The following SLC44A4 variants were observed in gnomAD, a reference collection of about 807,000 sequenced individuals.
SLC44A4 encodes the protein choline transporter-like protein 4.
In SLC44A4, 74 loss-of-function variants were observed where a neutral mutation model predicts 97.0. The ratio of observed to expected loss-of-function variants is 0.76; its 90% CI spans 0.63 to 0.93. The LOEUF is 0.93. Ranked by LOEUF, SLC44A4 falls within the 40% of genes least tolerant of loss-of-function variation. The probability of loss-of-function intolerance (pLI) is 0.00; values close to 1 mark genes in which losing one functional copy is unlikely to be tolerated. For synonymous variants in SLC44A4, 325 were observed against 363.8 expected, an observed-to-expected ratio of 0.89 and a Z score of 1.21; for missense variants, 799 against 902.9, an observed-to-expected ratio of 0.88 and a Z score of 1.48.
At chr6:31,864,524 C>T in intron 20 of SLC44A4, 128 bp downstream of exon 20, 1 of 850,152 alleles carries the variant, frequency 1.2e-6, no homozygotes, top group Non-Finnish European at 1.9e-6. Flanking sequence ...TCACAAGAAG[C>T]TCCCTCTGGT....
intron 7 of SLC44A4, among the ~76,000 whole-genome samples, chr6:31,872,499 G>A (rs1208942555): frequency 2.0e-5 from 3 of 152,062 alleles, no homozygotes; most frequent in Admixed American, 6.6e-5. Context: ...GCCCCCCAAA[G>A]TGTTGGGATT....
intron 13 of SLC44A4, 152 bp downstream of exon 13, chr6:31,869,003 G>T: frequency 5.0e-6 from 3 of 597,344 alleles, no homozygotes; most frequent in Middle Eastern, 2.7e-4. Flanking sequence ...CTGGGAACTG[G>T]TTTCTTCTAG....
intron 13 of SLC44A4, 66 bp downstream of exon 13, chr6:31,869,089 G>T: frequency 7.6e-7 from 1 of 1,318,588 alleles, no homozygotes; most frequent in Non-Finnish European, 1.1e-6. Flanking sequence ...TGCACAATGA[G>T]GAATGTGGCC....
At position 31,874,960 on chromosome 6, in the gene SLC44A4, G is replaced by A. The variant is rs746487711; in HGVS notation, c.311C>T (p.Ala104Val). 9 of 1,613,718 alleles carry A rather than the reference G, an allele frequency of 5.6e-6. 1 individual carries two copies. The South Asian group carries it at 7.7e-5, about 14-fold the overall frequency. ...TGTGGGGCACTGTAGGCCGTTCTCA[G>A]CAACTGAGATGATGTTGCTGGACAG... is the stretch of plus-strand genomic sequence containing the variant. ...CILSSNIISVAENGLQCPTPQ... is the reference protein window; with the variant it reads ...CILSSNIISVVENGLQCPTPQ... Residue 104 changes from alanine to valine, a missense_variant, in exon 5 of 21, where the codon GCT (alanine) becomes GTT (valine). This residue lies in a region of SLC44A4 where 409 missense variants were observed against 434.1 expected (regional missense o/e 0.94). Transcript: ENST00000229729. This position sits in a 1 kb window ranked among gnomAD's most constrained non-coding sequence, Gnocchi z 4.8.
At position 31,863,474 on chromosome 6, in the gene SLC44A4, C is replaced by T. The variant is rs1034701292; in HGVS notation, c.*153G>A. On this transcript the variant is annotated 3_prime_UTR_variant, in exon 21 of 21. Coordinates refer to ENST00000229729, the MANE Select transcript of SLC44A4 (RefSeq NM_025257.3). ...ACTCCTGACTCAGGTGATCCGCCCG[C>T]CTCAGCCTCTCAAAGTGTTGGATTA... is the stretch of plus-strand genomic sequence containing the variant. The T allele has an allele frequency of 9.1e-6, 10 of 1,102,274 alleles. No individual in the cohort carries two copies. Among genetic ancestry groups the T allele is most frequent in the Non-Finnish European group, 1.2e-5 (10 of 807,566 alleles). The allele number at this position is 1,102,274 out of a possible 1,614,324, so 68.3% of individuals were successfully genotyped here. A position where few individuals can be genotyped will look rare whatever the true frequency, so the allele number is the denominator to read the frequency against.
chr6:31,876,131 T>C lies in SLC44A4; in HGVS notation c.90-2A>G. ...CAGCAGATGACATCTGTGCAGCTTC[T>C]GAGAGAGAAACGAAACGGGAGGCTG... On this transcript the variant is annotated splice_acceptor_variant, in intron 2 of 20. Coordinates refer to ENST00000229729, the MANE Select transcript of SLC44A4 (RefSeq NM_025257.3). LOFTEE classifies it high-confidence loss of function. This position sits in a 1 kb window ranked among gnomAD's most constrained non-coding sequence, Gnocchi z 4.8. 6.2e-7 allele frequency: 1 copy of C among 1,612,244 alleles called. No individual in the cohort carries two copies. Among genetic ancestry groups the C allele is most frequent in the Non-Finnish European group, 8.5e-7 (1 of 1,178,792 alleles).
At chr6:31,875,987 TG>T in intron 3 of SLC44A4, 57 bp from the exon 4 acceptor site, 1 of 1,612,654 alleles carries the variant, frequency 6.2e-7, no homozygotes, top group Admixed American at 1.7e-5. Context: ...GGGGCAGTTA[TG>T]GGAATGGTCC....
Position 31,863,766 on chromosome 6 carries a change from C to A in SLC44A4, c.2012-18G>T. 6.2e-7 allele frequency: 1 copy of A among 1,611,906 alleles called. No individual in the cohort carries two copies. The highest frequency in any genetic ancestry group is 8.5e-7 in the Non-Finnish European group (1 of 1,179,676). ...GTCTTCCACTGAGCCGCAACAGAGA[C>A]CGGTTAGAGCGGACCCTGGGGCCAG... On this transcript the variant is annotated intron_variant, in intron 20 of 20. Transcript: ENST00000229729.
chr6:31,867,910 C>G (rs753854840), intron 13 of SLC44A4, among the ~76,000 whole-genome samples: 1 of 151,736 alleles, frequency 6.6e-6, no homozygotes, highest in Non-Finnish European at 1.5e-5. Flanking sequence ...CTCCGCCTCC[C>G]GAGTTCAAGC....
chr6:31,878,960 G>T lies in SLC44A4; in HGVS notation c.21C>A (p.Asp7Glu). ...TCTCACCGTAGGCCTCGTCATCCTC[G>T]TCCCGCTGCTTTCCCCCCATGGCTC... MGGKQR[D>E]EDDEAYGKPV... The change falls in exon 1 of 21, where the codon GAC becomes GAA. Residue 7 changes from aspartate to glutamate, a missense_variant. Asp to Glu is a conservative substitution (Grantham distance 45, BLOSUM62 2). Coordinates refer to ENST00000229729, the MANE Select transcript of SLC44A4 (RefSeq NM_025257.3). This position sits in a 1 kb window ranked among gnomAD's most constrained non-coding sequence, Gnocchi z 4.0. The T allele has an allele frequency of 6.2e-7, 1 of 1,613,754 alleles. No homozygotes were observed.
chr6:31,871,085 C>A, intron 9 of SLC44A4, 38 bp from the exon 10 acceptor site: 1 of 1,550,662 alleles, frequency 6.4e-7, no homozygotes, highest in Non-Finnish European at 8.8e-7. Flanking sequence ...TCAGCCCTAG[C>A]CCCTCAAATC....
rs776580114 is a variant in SLC44A4 at position 31,865,125 on chromosome 6, T to C, written c.1761-45A>G. On this transcript the variant is annotated intron_variant, in intron 17 of 20. Coordinates refer to ENST00000229729, the MANE Select transcript of SLC44A4 (RefSeq NM_025257.3). The surrounding 1 kb of genome is among the most constrained non-coding windows in gnomAD (Gnocchi z 5.2). The stretch of plus-strand genomic sequence containing the variant: ...AGGTTGAGGGTGAGAGGCCTGGCAA[T>C]GCTGAGAGTGAAATTGGCTTCGTAA... 6.2e-7 allele frequency: 1 copy of C among 1,604,358 alleles called. No homozygotes were observed. Among genetic ancestry groups the C allele is most frequent in the Non-Finnish European group, 8.5e-7 (1 of 1,171,970 alleles).
chr6:31,871,542 T>C lies in SLC44A4; in HGVS notation c.549A>G (p.Pro183=). The change falls in exon 8 of 21, where the codon CCA becomes CCG. Residue 183 remains proline, a synonymous_variant. Transcript: ENST00000229729. The stretch of plus-strand genomic sequence containing the variant: ...GCGCCGGTGGAGTAACGTTGGTCCA[T>C]GGAAAGCAGCGCCCCAGAGCTGGAA... The part of the protein sequence containing the change: ...PSAPALGRCF[P]WTNVTPPALP... 1.2e-6 allele frequency: 2 copies of C among 1,613,634 alleles called. No individual in the cohort carries two copies. The highest frequency in any genetic ancestry group is 1.7e-6 in the Non-Finnish European group (2 of 1,179,744).
Position 31,870,713 on chromosome 6 carries a change from C to A in SLC44A4, c.938-11G>T, listed in dbSNP as rs644774. On this transcript the variant is annotated splice_polypyrimidine_tract_variant and intron_variant, in intron 10 of 20. Transcript: ENST00000229729. ...CCGCCAACACGATCACTGCAGAGGACGGGGCAGACAGACCTAGGTCAGGGC... is the reference window on the plus strand; with the variant it reads ...CCGCCAACACGATCACTGCAGAGGAAGGGGCAGACAGACCTAGGTCAGGGC... The A allele has an allele frequency of 2.5e-6, 4 of 1,610,362 alleles. No individual in the cohort carries two copies. Among genetic ancestry groups the A allele is most frequent in the Admixed American group, 3.4e-5 (2 of 59,626 alleles).
Position 31,878,729 on chromosome 6 carries a change from A to G in SLC44A4, c.40+212T>C, listed in dbSNP as rs1306128647. Among the ~76,000 whole-genome samples the G allele has an allele frequency of 6.6e-6, 1 of 150,812 alleles. No individual in the cohort carries two copies. Among genetic ancestry groups the G allele is most frequent in the Non-Finnish European group, 1.5e-5 (1 of 67,608 alleles). ...TCAGAGGCACCCAGCTTCACTCCCC[A>G]TGGGCTCCCCAGCAACAGCCCCAGC... On this transcript the variant is annotated intron_variant, in intron 1 of 20. Transcript: ENST00000229729. This position sits in a 1 kb window ranked among gnomAD's most constrained non-coding sequence, Gnocchi z 4.0.
chr6:31,867,626 T>G (rs1762932636), intron 13 of SLC44A4, among the ~76,000 whole-genome samples: 1 of 151,650 alleles, frequency 6.6e-6, no homozygotes, highest in Admixed American at 6.6e-5. Flanking sequence ...CTTGGGAGAC[T>G]GAGGTGAGAA....
chr6:31,864,373 G>T, intron 20 of SLC44A4: 2 of 551,672 alleles, frequency 3.6e-6, no homozygotes, highest in South Asian at 4.5e-5. Context: ...ACCATGCCTG[G>T]CCTCTAATGG....
At chr6:31,866,169 G>A in intron 13 of SLC44A4, 43 bp from the exon 14 acceptor site, 1 of 1,601,606 alleles carries the variant, frequency 6.2e-7, no homozygotes, top group Non-Finnish European at 8.5e-7. Context: ...GGCATCGGGG[G>A]CCTCAGTATG....
In SLC44A4 at chr6:31,877,148, T is replaced by A; in HGVS notation, c.41-66A>T. The A allele has an allele frequency of 6.6e-7, 1 of 1,523,150 alleles. No individual in the cohort carries two copies. Among genetic ancestry groups the A allele is most frequent in the Non-Finnish European group, 9.0e-7 (1 of 1,113,816 alleles). The allele number at this position is 1,523,150 out of a possible 1,614,324, so 94.4% of individuals were successfully genotyped here. On this transcript the variant is annotated intron_variant, in intron 1 of 20. Transcript: ENST00000229729. This position sits in a 1 kb window ranked among gnomAD's most constrained non-coding sequence, Gnocchi z 6.5. The stretch of plus-strand genomic sequence containing the variant: ...CTGCATATCTTGTCCTGCTGAGTCC[T>A]CCTAGCCCCAGGATCCTACCCAGGC...
Sources: allele counts gnomAD v4.1 joint callset (sites outside exome capture counted in the v4.1 genomes callset), GRCh38; gene constraint gnomAD v4.1.1; regional missense constraint gnomAD v4.1.1; non-coding constraint Gnocchi (gnomAD v3.1); transcripts MANE v1.5; gene names NCBI Gene and HGNC (gene_info 2026-07-23, HGNC 2026-07-21).